Variants in PAX5 observed in about 807,000 individuals in gnomAD.
PAX5 encodes the protein paired box 5, also known as paired box protein Pax-5.
Under a neutral mutation model 43.7 loss-of-function variants are expected in PAX5, and 9 were observed. That is an observed-to-expected ratio of 0.21 (90% CI 0.12 to 0.36). The LOEUF is 0.36. PAX5 is among the 10% of genes least tolerant of loss of function. The probability of loss-of-function intolerance (pLI) is 1.00; values close to 1 mark genes in which losing one functional copy is unlikely to be tolerated. For missense variants in PAX5, 383 were observed against 532.7 expected (o/e 0.72, Z 2.77); for synonymous variants, 228 against 214.3 (o/e 1.06, Z -0.56).
intron 6 of PAX5, among the ~76,000 whole-genome samples, chr9:36,939,171 C>CAATG (rs1229630342): frequency 6.6e-6 from 1 of 152,214 alleles, no homozygotes; most frequent in Non-Finnish European, 1.5e-5. Context: ...GGCAAAGCTC[C>CAATG]AATGGTAGTT....
chr9:36,940,242 T>C (rs775560553), intron 6 of PAX5, among the ~76,000 whole-genome samples: 4 of 152,144 alleles, frequency 2.6e-5, no homozygotes, highest in Non-Finnish European at 4.4e-5. Context: ...CTGCAGCCCA[T>C]ATCAATAACA....
chr9:36,986,065 AC>A (rs1836375552), intron 5 of PAX5, among the ~76,000 whole-genome samples: 1 of 151,034 alleles, frequency 6.6e-6, no homozygotes, highest in Non-Finnish European at 1.5e-5. Context: ...GCTCCGTCCG[AC>A]CCCCGCCCGG....
At chr9:36,848,381 C>CACACACACACACAT (rs1305703796) in intron 8 of PAX5, among the ~76,000 whole-genome samples, 4 of 151,840 alleles carry the variant, frequency 2.6e-5, no homozygotes, top group African/African-American at 9.7e-5. Flanking sequence ...CACACACACA[C>CACACACACACACAT]ATGCTCGCGC....
At chr9:36,962,630 C>A (rs992070099) in intron 6 of PAX5, among the ~76,000 whole-genome samples, 5 of 152,284 alleles carry the variant, frequency 3.3e-5, no homozygotes, top group Admixed American at 6.5e-5. Flanking sequence ...ATCATGATCA[C>A]TTCTACCACA....
At chr9:37,025,272 C>A (rs954955048) in intron 1 of PAX5, among the ~76,000 whole-genome samples, 3 of 152,334 alleles carry the variant, frequency 2.0e-5, no homozygotes, top group African/African-American at 4.8e-5. Flanking sequence ...CCTACACAAG[C>A]TTTCCCCTGC....
At chr9:37,013,504 T>G (rs1839140678) in intron 3 of PAX5, among the ~76,000 whole-genome samples, 1 of 152,180 alleles carries the variant, frequency 6.6e-6, no homozygotes, top group Admixed American at 6.5e-5. Context: ...GCAGGCCAGC[T>G]GCCTGTCATG....
chr9:36,983,725 C>T lies in PAX5; in HGVS notation c.605-17001G>A, dbSNP rs747121629. On this transcript the variant is annotated intron_variant, in intron 5 of 9. Transcript: ENST00000358127. ...CTCAGCTCAAGGGATCCACCCCTCT[C>T]GGCCTCCCAAAGTGCTAGGATTACA... Among the ~76,000 whole-genome samples, 7 of 152,264 alleles carry T rather than the reference C, an allele frequency of 4.6e-5. No homozygotes were observed. In the South Asian group the frequency reaches 6.2e-4, roughly 14 times the overall value.
At chr9:36,979,277 A>G (rs1835712771) in intron 5 of PAX5, among the ~76,000 whole-genome samples, 1 of 152,224 alleles carries the variant, frequency 6.6e-6, no homozygotes, top group South Asian at 2.1e-4. Context: ...TTTTTCCACC[A>G]AACACACACA....
chr9:36,874,010 C>T (rs937958605), intron 8 of PAX5, among the ~76,000 whole-genome samples: 3 of 152,202 alleles, frequency 2.0e-5, no homozygotes, highest in East Asian at 1.9e-4. Flanking sequence ...GCGGCCCCCA[C>T]CCCTAAGCCT....
intron 1 of PAX5, among the ~76,000 whole-genome samples, chr9:37,028,751 C>A (rs1293523859): frequency 1.3e-5 from 2 of 152,206 alleles, no homozygotes; most frequent in African/African-American, 4.8e-5. Context: ...TCAAGCAAAG[C>A]GGCCAGGCGC....
At chr9:36,869,282 C>T (rs1242151807) in intron 8 of PAX5, among the ~76,000 whole-genome samples, 2 of 152,190 alleles carry the variant, frequency 1.3e-5, no homozygotes, top group African/African-American at 4.8e-5. Flanking sequence ...AGGAGCAAAG[C>T]ACATCTCAGA....
chr9:37,015,583 CTT>C lies in PAX5; in HGVS notation c.213-391_213-390del, dbSNP rs201678330. Among the ~76,000 whole-genome samples the C allele has an allele frequency of 1.4e-5, 2 of 141,248 alleles. No individual in the cohort carries two copies. Among genetic ancestry groups the C allele is most frequent in the African/African-American group, 2.6e-5 (1 of 38,724 alleles). The allele number at this position is 141,248 out of a possible 152,430, so 92.7% of individuals were successfully genotyped here. A position where few individuals can be genotyped will look rare whatever the true frequency, so the allele number is the denominator to read the frequency against. ...TGCATACACAGCTCTCATAGTATTTCTTTTTTTTTTTTTCAGACGGAGTTTCG... is the reference window on the plus strand; with the variant it reads ...TGCATACACAGCTCTCATAGTATTTCTTTTTTTTTTTCAGACGGAGTTTCG... On this transcript the variant is annotated intron_variant, in intron 2 of 9. Coordinates refer to ENST00000358127, the MANE Select transcript of PAX5 (RefSeq NM_016734.3). The surrounding 1 kb of genome is among the most constrained non-coding windows in gnomAD (Gnocchi z 4.4).
intron 6 of PAX5, among the ~76,000 whole-genome samples, chr9:36,948,970 T>A (rs1832779009): frequency 6.6e-6 from 1 of 152,226 alleles, no homozygotes; most frequent in East Asian, 1.9e-4. Context: ...AAGGAACATT[T>A]GGAGTACCTA....
At chr9:36,971,631 T>G (rs541746525) in intron 5 of PAX5, among the ~76,000 whole-genome samples, 1 of 152,188 alleles carries the variant, frequency 6.6e-6, no homozygotes, top group Non-Finnish European at 1.5e-5. Context: ...AAATCTTTTT[T>G]TTCTACTCCA....
chr9:36,886,059 G>A (rs1478920263), intron 7 of PAX5, among the ~76,000 whole-genome samples: 3 of 152,122 alleles, frequency 2.0e-5, no homozygotes, highest in East Asian at 1.9e-4. Context: ...CCCTTATCCT[G>A]AGAATATGTC....
chr9:36,990,860 A>G (rs958673003), intron 5 of PAX5, among the ~76,000 whole-genome samples: 6 of 152,250 alleles, frequency 3.9e-5, no homozygotes, highest in African/African-American at 1.4e-4. Context: ...CTGTAATCCC[A>G]GCACTTTGGG....
At chr9:36,931,983 G>T (rs1008993845) in intron 6 of PAX5, among the ~76,000 whole-genome samples, 1 of 151,982 alleles carries the variant, frequency 6.6e-6, no homozygotes, top group Non-Finnish European at 1.5e-5. Context: ...CTTTTTAAAA[G>T]GTCTTGTCTG....
chr9:37,034,134 G>A lies in PAX5; in HGVS notation c.-103C>T, dbSNP rs560811513. 6.4e-6 allele frequency: 4 copies of A among 629,628 alleles called. No homozygotes were observed. In the South Asian group the frequency reaches 8.9e-5, roughly 14 times the overall value. 39.0% of individuals were successfully genotyped at this position (629,628 alleles called of 1,614,324 possible). A position where few individuals can be genotyped will look rare whatever the true frequency, so the allele number is the denominator to read the frequency against. On this transcript the variant is annotated 5_prime_UTR_variant, in exon 1 of 10. Transcript: ENST00000358127. ...TTTTTTTTTTTTTTTTTTGGTGCCA[G>A]GGGCCGCTCACAGGTCGGAATAATT...
At chr9:37,014,972 A>G (rs1419826850) in intron 3 of PAX5, 25 bp downstream of exon 3, 3 of 1,604,284 alleles carry the variant, frequency 1.9e-6, no homozygotes, top group African/African-American at 1.3e-5. Context: ...CAAATCCCCA[A>G]CCCCCACAGG....
Sources: gnomAD v4.1 joint callset for allele counts (sites outside exome capture counted in the v4.1 genomes callset) on GRCh38, gnomAD v4.1.1 for gene constraint, Gnocchi (gnomAD v3.1) non-coding constraint, MANE v1.5 for transcripts, NCBI Gene and HGNC (gene_info 2026-07-23, HGNC 2026-07-21) for gene names.